The following RBX1 variants were observed in gnomAD, a reference collection of about 807,000 sequenced individuals.
RBX1 encodes ring-box 1.
For synonymous variants in RBX1, 48 were observed against 47.9 expected (o/e 1.00, Z -0.01); for missense variants, 46 against 141.4 (o/e 0.33, Z 3.42).
intron 4 of RBX1, among the ~76,000 whole-genome samples, chr22:40,968,626 C>G (rs2058360310): frequency 6.6e-6 from 1 of 152,014 alleles, no homozygotes; most frequent in South Asian, 2.1e-4. Context: ...TAAAACATGA[C>G]CTGGTAAACT....
At chr22:40,953,792 G>GT (rs1304464145) in intron 2 of RBX1, among the ~76,000 whole-genome samples, 159 bp downstream of exon 2, 2 of 152,044 alleles carry the variant, frequency 1.3e-5, no homozygotes, top group Non-Finnish European at 2.9e-5. Context: ...AAATAGAGTA[G>GT]TTTTTTTATG....
At position 40,961,283 on chromosome 22, in the gene RBX1, C is replaced by G. The variant is rs1003562562; in HGVS notation, c.158-2764C>G. Among the ~76,000 whole-genome samples the G allele has an allele frequency of 1.4e-4, 21 of 151,532 alleles. 1 individual carries two copies. Among genetic ancestry groups the G allele is most frequent in the Non-Finnish European group, 7.4e-5 (5 of 67,886 alleles). Reference sequence around the variant, plus strand: ...TTTTATTTCTAGAGATGAGATGTTGCTGTGTTGCCCAGCCTGGTCTTGAAT... The same window carrying G: ...TTTTATTTCTAGAGATGAGATGTTGGTGTGTTGCCCAGCCTGGTCTTGAAT... On this transcript the variant is annotated intron_variant, in intron 2 of 4. Transcript: ENST00000216225.
chr22:40,961,912 G>A (rs2058341598), intron 2 of RBX1, among the ~76,000 whole-genome samples: 1 of 151,948 alleles, frequency 6.6e-6, no homozygotes, highest in African/African-American at 2.4e-5. Context: ...AGCCTCCTGA[G>A]TAGCTGGGAT....
chr22:40,961,425 A>G (rs2058339912), intron 2 of RBX1, among the ~76,000 whole-genome samples: 1 of 148,906 alleles, frequency 6.7e-6, no homozygotes, highest in African/African-American at 2.5e-5. Context: ...TTTTATTTTT[A>G]TTTTTTGAGA....
chr22:40,964,027 T>C lies in RBX1; in HGVS notation c.158-20T>C. 1 of 1,607,358 alleles carries C rather than the reference T, an allele frequency of 6.2e-7. No individual in the cohort carries two copies. The highest frequency in any genetic ancestry group is 8.5e-7 in the Non-Finnish European group (1 of 1,173,834). On this transcript the variant is annotated intron_variant, in intron 2 of 4. Coordinates refer to ENST00000216225, the MANE Select transcript of RBX1 (RefSeq NM_014248.4). Reference sequence around the variant, plus strand: ...TGCTGCTCCCAAGGTCCAGTGATCCTGTTGCTCTTGTTCCCACAGGCATAG... The same window carrying C: ...TGCTGCTCCCAAGGTCCAGTGATCCCGTTGCTCTTGTTCCCACAGGCATAG...
chr22:40,964,819 C>T (rs993949823), intron 3 of RBX1, among the ~76,000 whole-genome samples: 2 of 152,146 alleles, frequency 1.3e-5, no homozygotes, highest in Non-Finnish European at 2.9e-5. Context: ...AGAGTCAGAC[C>T]ACCATTCCCT....
intron 2 of RBX1, among the ~76,000 whole-genome samples, chr22:40,962,062 G>C (rs1011077524): frequency 6.6e-6 from 1 of 152,132 alleles, no homozygotes; most frequent in East Asian, 1.9e-4. Context: ...GGGATTGCAG[G>C]CGTGAGCCAC....
chr22:40,970,674 CT>C (rs1207828810), intron 4 of RBX1, among the ~76,000 whole-genome samples: 1 of 151,942 alleles, frequency 6.6e-6, no homozygotes, highest in African/African-American at 2.4e-5. Flanking sequence ...ATTTTCTTTA[CT>C]GAATTTTTTA....
chr22:40,960,067 G>A (rs1194090468), intron 2 of RBX1, among the ~76,000 whole-genome samples: 1 of 152,050 alleles, frequency 6.6e-6, no homozygotes, highest in Admixed American at 6.6e-5. Context: ...GCAGTGTGGA[G>A]ATTGTGCCAC....
intron 2 of RBX1, among the ~76,000 whole-genome samples, chr22:40,959,487 T>C (rs1235514250): frequency 1.3e-5 from 2 of 152,246 alleles, no homozygotes; most frequent in East Asian, 1.9e-4. Flanking sequence ...CTCCTATACA[T>C]TTTTGTTCTT....
In RBX1 at chr22:40,963,914, T is replaced by G. The variant is rs2058347420; in HGVS notation, c.158-133T>G. 8.9e-6 allele frequency: 6 copies of G among 675,370 alleles called. No homozygotes were observed. The Admixed American group carries it at 1.5e-4, about 16-fold the overall frequency. The allele number at this position is 675,370 out of a possible 1,614,324, so 41.8% of individuals were successfully genotyped here. A position where few individuals can be genotyped will look rare whatever the true frequency, so the allele number is the denominator to read the frequency against. ...AAAGCATACTGTTATCTCTGTCTTC[T>G]CTGTTCTTCCTTTCCCACATTCATT... On this transcript the variant is annotated intron_variant, in intron 2 of 4. Coordinates refer to ENST00000216225, the MANE Select transcript of RBX1 (RefSeq NM_014248.4).
At chr22:40,951,608 GA>G in intron 1 of RBX1, 132 bp downstream of exon 1, 1 of 807,174 alleles carries the variant, frequency 1.2e-6, no homozygotes, top group East Asian at 2.7e-5. Flanking sequence ...ACCACGAAAG[GA>G]AGCCGGGGGG....
At chr22:40,963,195 A>C (rs112762794) in intron 2 of RBX1, among the ~76,000 whole-genome samples, 1 of 152,106 alleles carries the variant, frequency 6.6e-6, no homozygotes, top group Non-Finnish European at 1.5e-5. Context: ...CCTATTAAAT[A>C]GTTTCTCCTG....
intron 2 of RBX1, among the ~76,000 whole-genome samples, chr22:40,960,963 C>T (rs1263566941): frequency 6.6e-6 from 1 of 152,012 alleles, no homozygotes; most frequent in African/African-American, 2.4e-5. Flanking sequence ...AGAGTTTCGC[C>T]ATGTTGGCCA....
intron 1 of RBX1, 148 bp from the exon 2 acceptor site, chr22:40,953,407 T>G: frequency 1.8e-6 from 1 of 563,422 alleles, no homozygotes; most frequent in Non-Finnish European, 3.3e-6. Context: ...GTCTTTGGTA[T>G]AATAAGATTA....
intron 2 of RBX1, among the ~76,000 whole-genome samples, chr22:40,962,004 C>G (rs922541231): frequency 2.0e-5 from 3 of 152,118 alleles, no homozygotes; most frequent in South Asian, 4.1e-4. Flanking sequence ...AGGCTGGTCT[C>G]GAACCCTGAC....
chr22:40,968,085 CTTTTTTTTT>C (rs938566744), intron 4 of RBX1, among the ~76,000 whole-genome samples: 1 of 111,208 alleles, frequency 9.0e-6, no homozygotes, highest in African/African-American at 3.4e-5. Context: ...GTTTCCCAAC[CTTTTTTTTT>C]TTTTTTTTTT....
chr22:40,957,846 G>A (rs895873026), intron 2 of RBX1, among the ~76,000 whole-genome samples: 4 of 150,942 alleles, frequency 2.7e-5, no homozygotes, highest in Admixed American at 2.6e-4. Context: ...TTTTTTTGGA[G>A]GCGGAGTCTC....
chr22:40,953,440 T>C (rs1330487501), intron 1 of RBX1, 115 bp from the exon 2 acceptor site: 1 of 697,206 alleles, frequency 1.4e-6, no homozygotes, highest in Non-Finnish European at 2.6e-6. Flanking sequence ...AAAACTTTTG[T>C]TTGGTGGTTC....
Sources: gnomAD v4.1 joint callset for allele counts (sites outside exome capture counted in the v4.1 genomes callset) on GRCh38, gnomAD v4.1.1 for gene constraint, MANE v1.5 for transcripts, NCBI Gene and HGNC (gene_info 2026-07-23, HGNC 2026-07-21) for gene names.